AUTS2: variants seen among roughly 807,000 people sequenced by gnomAD.
AUTS2 encodes activator of transcription and developmental regulator AUTS2.
A neutral mutation model predicts 112.4 loss-of-function variants in AUTS2; 17 were observed. The observed-to-expected ratio is 0.15, with a 90% confidence interval of 0.10 to 0.23. The LOEUF is 0.23. AUTS2 is among the 10% of genes least tolerant of loss of function. AUTS2 has a pLI of 1.00. For synonymous variants in AUTS2, 751 were observed against 702.7 expected, an observed-to-expected ratio of 1.07 and a Z score of -1.09; for missense variants, 1,510 against 1,701.6, an observed-to-expected ratio of 0.89 and a Z score of 1.98.
At chr7:70,264,288 A>G (rs969884067) in intron 4 of AUTS2, among the ~76,000 whole-genome samples, 9 of 152,124 alleles carry the variant, frequency 5.9e-5, no homozygotes, top group African/African-American at 2.2e-4. Flanking sequence ...GCTCACTGCA[A>G]CCTTCACCTC....
intron 4 of AUTS2, among the ~76,000 whole-genome samples, chr7:70,209,428 G>C (rs1210002718): frequency 6.6e-6 from 1 of 152,204 alleles, no homozygotes; most frequent in Non-Finnish European, 1.5e-5. Context: ...AAGAATCTAG[G>C]AGATTGGGAA....
chr7:70,614,884 C>T (rs1021021558), intron 5 of AUTS2, among the ~76,000 whole-genome samples: 3 of 152,200 alleles, frequency 2.0e-5, no homozygotes, highest in Admixed American at 6.5e-5. Context: ...AGAGGCTGGC[C>T]GGCTGCAGGG....
At chr7:69,906,232 T>C (rs1235361389) in intron 2 of AUTS2, among the ~76,000 whole-genome samples, 1 of 152,264 alleles carries the variant, frequency 6.6e-6, no homozygotes, top group African/African-American at 2.4e-5. Flanking sequence ...GATTAAATTT[T>C]ACATTTTTCC....
At chr7:69,921,762 T>TAAAAAAAAAAAA (rs35008506) in intron 2 of AUTS2, among the ~76,000 whole-genome samples, 1 of 100,554 alleles carries the variant, frequency 9.9e-6, no homozygotes, top group Non-Finnish European at 2.0e-5. Flanking sequence ...ACTCTGTCTT[T>TAAAAAAAAAAAA]AAAAAAAAAA....
At position 70,692,838 on chromosome 7, in the gene AUTS2, A is replaced by C. The variant is rs573825935; in HGVS notation, c.691-5731A>C. ...CAAATAGTGATAGACATGCAACTTC[A>C]AAGAGGCAAGGAGTGGCCATCATTA... On this transcript the variant is annotated intron_variant, in intron 5 of 18. Coordinates refer to ENST00000342771, the MANE Select transcript of AUTS2 (RefSeq NM_015570.4). Among the ~76,000 whole-genome samples the C allele has an allele frequency of 2.0e-5, 3 of 152,030 alleles. No homozygotes were observed. In the South Asian group the frequency reaches 6.3e-4, roughly 32 times the overall value.
At chr7:70,130,915 A>G (rs1187882992) in intron 3 of AUTS2, among the ~76,000 whole-genome samples, 1 of 152,196 alleles carries the variant, frequency 6.6e-6, no homozygotes, top group African/African-American at 2.4e-5. Flanking sequence ...TACCACTTGA[A>G]GAAATAAGAA....
intron 1 of AUTS2, among the ~76,000 whole-genome samples, chr7:69,841,449 C>T (rs1448735917): frequency 2.6e-5 from 4 of 152,112 alleles, no homozygotes; most frequent in Non-Finnish European, 4.4e-5. Flanking sequence ...CTCTCATGAT[C>T]CAAACACCTC....
At chr7:69,833,535 A>G (rs1791590783) in intron 1 of AUTS2, among the ~76,000 whole-genome samples, 1 of 152,090 alleles carries the variant, frequency 6.6e-6, no homozygotes, top group Non-Finnish European at 1.5e-5. Flanking sequence ...CCTGGGTTCA[A>G]GCGATTCTCA....
At chr7:70,084,059 A>C (rs1006458412) in intron 2 of AUTS2, among the ~76,000 whole-genome samples, 1 of 152,140 alleles carries the variant, frequency 6.6e-6, no homozygotes, top group Non-Finnish European at 1.5e-5. Flanking sequence ...TCCCTGGCAA[A>C]AAAACAAAAC....
At chr7:70,055,001 G>C (rs1563068884) in intron 2 of AUTS2, among the ~76,000 whole-genome samples, 1 of 151,886 alleles carries the variant, frequency 6.6e-6, no homozygotes, top group Non-Finnish European at 1.5e-5. Context: ...AATGCCACTT[G>C]TCTCTTTCTA....
At chr7:69,744,671 A>C (rs1167478661) in intron 1 of AUTS2, among the ~76,000 whole-genome samples, 1 of 103,178 alleles carries the variant, frequency 9.7e-6, no homozygotes, top group Non-Finnish European at 2.1e-5. Flanking sequence ...CCCACACTAC[A>C]AAAAAAAAAA....
At chr7:70,047,706 C>G (rs964414434) in intron 2 of AUTS2, among the ~76,000 whole-genome samples, 4 of 152,098 alleles carry the variant, frequency 2.6e-5, no homozygotes, top group African/African-American at 9.7e-5. Context: ...CTGTAAGAAA[C>G]TTTGCAGTAT....
chr7:70,151,644 G>T (rs1807447011), intron 4 of AUTS2, among the ~76,000 whole-genome samples: 1 of 151,936 alleles, frequency 6.6e-6, no homozygotes, highest in Non-Finnish European at 1.5e-5. Flanking sequence ...TTGAGATGGG[G>T]TTTCACCATG....
At chr7:70,719,886 C>T (rs2129551148) in intron 6 of AUTS2, among the ~76,000 whole-genome samples, 1 of 152,264 alleles carries the variant, frequency 6.6e-6, no homozygotes, top group East Asian at 1.9e-4. Context: ...TTCTCATTCC[C>T]GAAGGTAATT....
intron 5 of AUTS2, among the ~76,000 whole-genome samples, chr7:70,606,203 A>C (rs1803749339): frequency 6.6e-6 from 1 of 152,248 alleles, no homozygotes; most frequent in African/African-American, 2.4e-5. Context: ...CGCTACCTCC[A>C]GACCTTTAAA....
intron 2 of AUTS2, among the ~76,000 whole-genome samples, chr7:69,935,003 G>C (rs542878307): frequency 1.3e-4 from 20 of 152,258 alleles, no homozygotes; most frequent in African/African-American, 4.6e-4. Context: ...AGATAAATCT[G>C]AACCCTCAAT....
At chr7:69,896,597 C>T (rs1584408456) in intron 1 of AUTS2, among the ~76,000 whole-genome samples, 1 of 151,660 alleles carries the variant, frequency 6.6e-6, no homozygotes, top group East Asian at 1.9e-4. Context: ...ATGTTAGAGA[C>T]AGCTTAGACT....
chr7:70,231,360 C>T (rs920194737), intron 4 of AUTS2, among the ~76,000 whole-genome samples: 5 of 152,190 alleles, frequency 3.3e-5, no homozygotes, highest in Non-Finnish European at 5.9e-5. Context: ...CCTTCCTAGC[C>T]TTCTAGTTTC....
chr7:70,162,567 A>G (rs910176218), intron 4 of AUTS2, among the ~76,000 whole-genome samples: 2 of 150,514 alleles, frequency 1.3e-5, no homozygotes, highest in African/African-American at 4.9e-5. Flanking sequence ...TGTGCAGTCA[A>G]TGTCTTTGAG....
Sources: allele counts gnomAD v4.1 joint callset (sites outside exome capture counted in the v4.1 genomes callset), GRCh38; gene constraint gnomAD v4.1.1; transcripts MANE v1.5; gene names NCBI Gene and HGNC (gene_info 2026-07-23, HGNC 2026-07-21).